The following TNIP3 variants were observed in gnomAD, a reference collection of about 807,000 sequenced individuals.
TNIP3 encodes the protein TNFAIP3-interacting protein 3.
TNIP3 carries 34 observed loss-of-function variants against 54.1 expected under a neutral mutation model. The ratio of observed to expected loss-of-function variants is 0.63; its 90% CI spans 0.48 to 0.84. The LOEUF is 0.84. Among genes scored for constraint, TNIP3 ranks in the 40% least tolerant of loss-of-function variants. TNIP3 has a pLI of 0.00. For missense variants in TNIP3, 366 were observed against 387.6 expected, an observed-to-expected ratio of 0.94 and a Z score of 0.47; for synonymous variants, 134 against 136.8, an observed-to-expected ratio of 0.98 and a Z score of 0.14.
At chr4:121,197,249 C>T (rs1008891539) in intron 2 of TNIP3, among the ~76,000 whole-genome samples, 10 of 152,198 alleles carry the variant, frequency 6.6e-5, no homozygotes, top group African/African-American at 2.2e-4. Context: ...TAAGTCCTGC[C>T]GGGCACAGCA....
exon 2 of TNIP3, chr4:121,216,450 C>T: frequency 6.5e-7 from 1 of 1,535,730 alleles, no homozygotes; most frequent in African/African-American, 1.4e-5. Context: ...TGAACATTAC[C>T]AGTTTATCGT....
chr4:121,221,697 A>G (rs1309083201), intron 1 of TNIP3, among the ~76,000 whole-genome samples: 1 of 152,172 alleles, frequency 6.6e-6, no homozygotes, highest in Non-Finnish European at 1.5e-5. Flanking sequence ...CAAGAAAGAG[A>G]TTTTTGGCTG....
At chr4:121,139,807 G>C (rs1054680441) in intron 9 of TNIP3, among the ~76,000 whole-genome samples, 1 of 152,112 alleles carries the variant, frequency 6.6e-6, no homozygotes, top group Admixed American at 6.5e-5. Context: ...TTTATTTTTA[G>C]ATGTCTCAAA....
intron 2 of TNIP3, among the ~76,000 whole-genome samples, chr4:121,197,529 C>T (rs111726498): frequency 4.1e-5 from 5 of 122,288 alleles, no homozygotes; most frequent in Admixed American, 3.5e-4. Flanking sequence ...GAGACTCTGT[C>T]TCAAAAAAAA....
intron 2 of TNIP3, among the ~76,000 whole-genome samples, chr4:121,190,006 G>A (rs1215401904): frequency 6.6e-6 from 1 of 152,184 alleles, no homozygotes; most frequent in Non-Finnish European, 1.5e-5. Context: ...GCAGCTGCAG[G>A]TGCTGGTGCT....
At chr4:121,176,036 A>G (rs570545244) in intron 3 of TNIP3, among the ~76,000 whole-genome samples, 6 of 152,364 alleles carry the variant, frequency 3.9e-5, no homozygotes, top group African/African-American at 1.4e-4. Flanking sequence ...AAGGAGAAAT[A>G]TGTCATAAAT....
At chr4:121,137,302 A>T (rs1034254923) in intron 10 of TNIP3, 2 of 152,348 alleles carry the variant, frequency 1.3e-5, no homozygotes, top group Admixed American at 6.5e-5. Context: ...TAGATTTTAA[A>T]ATTGCATATA....
At chr4:121,180,401 G>GA (rs543417416) in intron 3 of TNIP3, among the ~76,000 whole-genome samples, 2,728 of 148,950 alleles carry the variant, frequency 0.018, 83 homozygotes, top group African/African-American at 0.062. Flanking sequence ...CTCCGCCTCA[G>GA]AAAAAAAAAA....
At chr4:121,210,720 G>A (rs1412955287) in intron 2 of TNIP3, among the ~76,000 whole-genome samples, 1 of 152,128 alleles carries the variant, frequency 6.6e-6, no homozygotes, top group Admixed American at 6.6e-5. Context: ...GAGACAGCAA[G>A]CTCTCTGGTG....
At position 121,183,446 on chromosome 4, in the gene TNIP3, A is replaced by G. The variant is rs114100134; in HGVS notation, c.69-650T>C. Among the ~76,000 whole-genome samples, 954 of 152,326 alleles carry G rather than the reference A, an allele frequency of 6.3e-3. 4 individuals are homozygous for G. The highest frequency in any genetic ancestry group is 0.022 in the African/African-American group (908 of 41,566). On this transcript the variant is annotated intron_variant, in intron 2 of 12. Coordinates refer to the TNIP3 transcript ENST00000507879. ...CATAGTCACATGGCCATTAGCTGAT[A>G]ATGCCAAAATTAAACCAGAGCTTCC... is the stretch of plus-strand genomic sequence containing the variant.
rs1367828105 is a variant in TNIP3 at position 121,132,423 on chromosome 4, TATA to T, written c.*205_*207del. ...GGAAACTGGAAGTTGTATTTGGTTG[TATA>T]ATAACTGGCTCCTCCAATTTGATCA... On this transcript the variant is annotated 3_prime_UTR_variant, in exon 11 of 11. Transcript: ENST00000057513. 1 of 477,918 alleles carries T rather than the reference TATA, an allele frequency of 2.1e-6. No individual in the cohort carries two copies. Among genetic ancestry groups the T allele is most frequent in the Non-Finnish European group, 3.7e-6 (1 of 268,982 alleles). The allele number at this position is 477,918 out of a possible 1,614,324, so 29.6% of individuals were successfully genotyped here. A position where few individuals can be genotyped will look rare whatever the true frequency, so the allele number is the denominator to read the frequency against.
chr4:121,141,631 C>T (rs1291775364), intron 9 of TNIP3, among the ~76,000 whole-genome samples, 185 bp downstream of exon 9: 1 of 152,168 alleles, frequency 6.6e-6, no homozygotes, highest in African/African-American at 2.4e-5. Flanking sequence ...ATCTATGTGT[C>T]CTATGGATTC....
At chr4:121,201,911 T>C (rs1301718022) in intron 2 of TNIP3, among the ~76,000 whole-genome samples, 1 of 152,084 alleles carries the variant, frequency 6.6e-6, no homozygotes, top group African/African-American at 2.4e-5. Context: ...CTAGGTCATC[T>C]CACAAACAAA....
rs1464666781 is a variant in TNIP3 at position 121,131,583 on chromosome 4, C to T, written c.*1048G>A. ...CATAGCCATATAGCCATCATCATCC[C>T]ATCAGGACTTTGTCTTCCTTTTTTT... On this transcript the variant is annotated 3_prime_UTR_variant, in exon 11 of 11. Transcript: ENST00000057513. The T allele has an allele frequency of 6.7e-6, 1 of 150,254 alleles. No homozygotes were observed. The highest frequency in any genetic ancestry group is 1.5e-5 in the Non-Finnish European group (1 of 67,818). 9.3% of individuals were successfully genotyped at this position (150,254 alleles called of 1,614,324 possible). A position where few individuals can be genotyped will look rare whatever the true frequency, so the allele number is the denominator to read the frequency against.
upstream of TNIP3, among the ~76,000 whole-genome samples, chr4:121,217,478 G>A (rs112641486): frequency 2.4e-3 from 368 of 152,100 alleles, no homozygotes; most frequent in Non-Finnish European, 3.8e-3. Flanking sequence ...TGTTGTTTTC[G>A]GCTTGTGACA....
chr4:121,206,540 G>T (rs1247969505), intron 2 of TNIP3, among the ~76,000 whole-genome samples: 1 of 151,834 alleles, frequency 6.6e-6, no homozygotes, highest in Admixed American at 6.6e-5. Context: ...TGTATATATT[G>T]TGTGTGTGTT....
At chr4:121,148,613 C>T (rs1234253281) in intron 6 of TNIP3, among the ~76,000 whole-genome samples, 3 of 152,118 alleles carry the variant, frequency 2.0e-5, no homozygotes, top group African/African-American at 7.2e-5. Context: ...TTCTCTTCGT[C>T]GGTTTATTTT....
At chr4:121,227,437 C>T (rs943980210) in exon 1 of TNIP3, 115 of 1,497,558 alleles carry the variant, frequency 7.7e-5, no homozygotes, top group Non-Finnish European at 9.4e-5. Flanking sequence ...ATTACAAGGT[C>T]TAATACGGAG....
intron 2 of TNIP3, chr4:121,182,930 C>T (rs1724798978): frequency 1.1e-6 from 1 of 875,756 alleles, no homozygotes; most frequent in Admixed American, 2.8e-5. Context: ...AAACTCTAAT[C>T]TCATTATGTT....
Sources: gnomAD v4.1 joint callset for allele counts (sites outside exome capture counted in the v4.1 genomes callset) on GRCh38, gnomAD v4.1.1 for gene constraint, MANE v1.5 for transcripts, NCBI Gene and HGNC (gene_info 2026-07-23, HGNC 2026-07-21) for gene names.